Variants in LAMA5 observed in about 807,000 individuals in gnomAD.
LAMA5 encodes laminin subunit alpha-5.
Under a neutral mutation model 433.4 loss-of-function variants are expected in LAMA5, and 260 were observed. The observed-to-expected ratio is 0.60, with a 90% CI of 0.54 to 0.66. The LOEUF is 0.66. Among genes scored for constraint, LAMA5 ranks in the 30% least tolerant of loss-of-function variants. The pLI is 0.00. For synonymous variants in LAMA5, 2,620 were observed against 2,226.6 expected, an observed-to-expected ratio of 1.18 and a Z score of -4.97; for missense variants, 5,378 against 5,258.5, an observed-to-expected ratio of 1.02 and a Z score of -0.70.
rs1190904720 is a variant in LAMA5, at chr20:62,359,587, A to G, written c.450+2813T>C. Among the ~76,000 whole-genome samples, 2 of 152,040 alleles carry G rather than the reference A, an allele frequency of 1.3e-5. No homozygotes were observed. Among genetic ancestry groups the G allele is most frequent in the South Asian group, 2.1e-4 (1 of 4,830 alleles). Reference sequence around the variant, plus strand: ...TCCGGAGGATGCAAGGAGATACGCAAGAACCCCCTAGAAGGACCCCCTGGG... The same window carrying G: ...TCCGGAGGATGCAAGGAGATACGCAGGAACCCCCTAGAAGGACCCCCTGGG... On this transcript the variant is annotated intron_variant, in intron 2 of 79. Coordinates refer to ENST00000252999, the MANE Select transcript of LAMA5 (RefSeq NM_005560.6). The surrounding 1 kb of genome is among the most constrained non-coding windows in gnomAD (Gnocchi z 4.3).
intron 2 of LAMA5, chr20:62,356,231 T>C (rs1424725581): frequency 1.3e-5 from 2 of 152,370 alleles, no homozygotes; most frequent in Non-Finnish European, 2.9e-5. Context: ...GCCTGGTGGC[T>C]GCACAGATGG....
At position 62,312,038 on chromosome 20, in the gene LAMA5, G is replaced by T. The variant is rs768158825; in HGVS notation, c.9517C>A (p.Gln3173Lys). 6.2e-7 allele frequency: 1 copy of T among 1,612,062 alleles called. No homozygotes were observed. The highest frequency in any genetic ancestry group is 8.5e-7 in the Non-Finnish European group (1 of 1,179,586). ...ACACGGCCCTGCTGCAGGGACACCT[G>T]GCATAGCCCATCCTGGGGACGGCAG... is the stretch of plus-strand genomic sequence containing the variant. ...YYRASPDGLCQVSLQQGRVSL... is the reference protein window; with the variant it reads ...YYRASPDGLCKVSLQQGRVSL... The change falls in exon 70 of 80, where the codon CAG becomes AAG. Residue 3173 changes from glutamine to lysine, a missense_variant. Gln to Lys is a moderately conservative substitution (Grantham distance 53). Coordinates refer to ENST00000252999, the MANE Select transcript of LAMA5 (RefSeq NM_005560.6).
intron 11 of LAMA5, among the ~76,000 whole-genome samples, chr20:62,338,843 C>A (rs1601376643): frequency 1.3e-5 from 2 of 152,270 alleles, no homozygotes; most frequent in East Asian, 3.9e-4. Flanking sequence ...TCGAGACCAG[C>A]CTGACCAACA....
At chr20:62,346,389 C>CCTGGG in intron 9 of LAMA5, 117 bp downstream of exon 9, 1 of 1,361,646 alleles carries the variant, frequency 7.3e-7, no homozygotes, top group Non-Finnish European at 1.0e-6. Context: ...GAGGCTCCTT[C>CCTGGG]CTGGGCTGGC....
intron 40 of LAMA5, 65 bp from the exon 41 acceptor site, chr20:62,325,611 C>T (rs1312150733): frequency 4.5e-6 from 5 of 1,107,032 alleles, no homozygotes; most frequent in Non-Finnish European, 4.0e-6. Context: ...GAGCCTAGAA[C>T]AGACCCCCCA....
At chr20:62,330,189 C>G (rs1189606382) in intron 31 of LAMA5, among the ~76,000 whole-genome samples, 1 of 152,278 alleles carries the variant, frequency 6.6e-6, no homozygotes, top group African/African-American at 2.4e-5. Flanking sequence ...ACCAGACAAA[C>G]ACACAGGGCC....
Position 62,344,273 on chromosome 20 carries a change from T to A in LAMA5, c.1477+1545A>T, listed in dbSNP as rs542028740. On this transcript the variant is annotated intron_variant, in intron 11 of 79. Transcript: ENST00000252999. ...AAACCCTACCAACTAGACTGTGATA[T>A]GCCATCAAGCAAAAGACGCATCCCA... Among the ~76,000 whole-genome samples the A allele has an allele frequency of 2.6e-5, 4 of 151,278 alleles. No homozygotes were observed. In the East Asian group the frequency reaches 7.8e-4, roughly 29 times the overall value.
Position 62,331,223 on chromosome 20 carries a change from G to GT in LAMA5, c.3553-95_3553-94insA, listed in dbSNP as rs1980363088. 7.5e-5 allele frequency: 12 copies of GT among 158,984 alleles called. 5 individuals are homozygous for GT. The East Asian group carries it at 1.4e-3, about 18-fold the overall frequency. The allele number at this position is 158,984 out of a possible 1,614,324, so 9.8% of individuals were successfully genotyped here. ...ATGGGGGGGTGCAGGCGGTACGATG[G>GT]GGGGGTGCAGGCGGTACGATGGGGA... is the stretch of plus-strand genomic sequence containing the variant. On this transcript the variant is annotated intron_variant, in intron 28 of 79. Transcript: ENST00000252999.
rs367809230 is a variant in LAMA5 at position 62,315,964 on chromosome 20, C to T, written c.7851G>A (p.Met2617Ile). The change falls in exon 58 of 80, where the codon ATG becomes ATA. Residue 2617 changes from methionine (M) to isoleucine (I), a missense_variant. Coordinates refer to ENST00000252999, the MANE Select transcript of LAMA5 (RefSeq NM_005560.6). ...TCCGCATACCTGTGTCCATGGCAAG[C>T]ATGGCCTGCGCCGCCTGGATGTGCG... Reference protein sequence around the residue: ...LEAHIQAAQAMLAMDTDETSK... With the variant: ...LEAHIQAAQAILAMDTDETSK... 361 of 1,603,650 alleles carry T rather than the reference C, an allele frequency of 2.3e-4. No individual in the cohort carries two copies. The highest frequency in any genetic ancestry group is 2.7e-4 in the Non-Finnish European group (320 of 1,177,928).
intron 40 of LAMA5, 138 bp downstream of exon 40, chr20:62,326,539 C>T (rs1374719097): frequency 3.0e-6 from 2 of 673,978 alleles, no homozygotes; most frequent in African/African-American, 1.8e-5. Context: ...GGGGACCTCC[C>T]CAGCCCCCAC....
At chr20:62,336,304 G>C in intron 18 of LAMA5, 36 bp downstream of exon 18, 3 of 1,445,130 alleles carry the variant, frequency 2.1e-6, no homozygotes, top group Non-Finnish European at 2.8e-6. Context: ...GTTCCCCAAG[G>C]AACCCCTGTA....
At position 62,323,837 on chromosome 20, in the gene LAMA5, G is replaced by A. The variant is rs1427417129; in HGVS notation, c.5788C>T (p.Leu1930=). 3 of 1,609,554 alleles carry A rather than the reference G, an allele frequency of 1.9e-6. No homozygotes were observed. Among genetic ancestry groups the A allele is most frequent in the Non-Finnish European group, 1.7e-6 (2 of 1,178,538 alleles). Residue 1930 remains leucine (L), a synonymous_variant, in exon 44 of 80, where the codon CTG becomes TTG. Transcript: ENST00000252999. ...AGGCACTGGGTGCGGCCGCCTCGCAGGACACAGCCCTCGGCGAAGCTGCAA... is the reference window on the plus strand; with the variant it reads ...AGGCACTGGGTGCGGCCGCCTCGCAAGACACAGCCCTCGGCGAAGCTGCAA... ...PSNNFAEGCV[L]RGGRTQCLCK...
At chr20:62,319,220 C>T in intron 51 of LAMA5, 1 of 583,448 alleles carries the variant, frequency 1.7e-6, no homozygotes, top group East Asian at 2.9e-5. Flanking sequence ...GTGCCTCCAA[C>T]ACCCTGACAC....
chr20:62,334,182 C>A lies in LAMA5; in HGVS notation c.2739+4G>T. ...GAGCCTGGGAGGGGGAGCACAGCGC[C>A]CACCTGGACAGGTGCCATCTGCGCG... On this transcript the variant is annotated splice_donor_region_variant and intron_variant, in intron 22 of 79. Coordinates refer to ENST00000252999, the MANE Select transcript of LAMA5 (RefSeq NM_005560.6). 1 of 1,611,158 alleles carries A rather than the reference C, an allele frequency of 6.2e-7. No individual in the cohort carries two copies. The highest frequency in any genetic ancestry group is 8.5e-7 in the Non-Finnish European group (1 of 1,178,676).
At position 62,310,706 on chromosome 20, in the gene LAMA5, C is replaced by A; in HGVS notation, c.10405G>T (p.Val3469Leu). 1 of 1,601,084 alleles carries A rather than the reference C, an allele frequency of 6.2e-7. No homozygotes were observed. Among genetic ancestry groups the A allele is most frequent in the South Asian group, 1.1e-5 (1 of 89,848 alleles). ...AEHPQPHTLF[V>L]GGLPASSHSS... ...TGGCTGCTGGCCGGGAGGCCGCCCA[C>A]AAAGAGGGTGTGGGGCTGGGGGTGC... The change falls in exon 75 of 80, where the codon GTG (valine) becomes TTG (leucine). Residue 3469 changes from valine to leucine, a missense_variant. Coordinates refer to ENST00000252999, the MANE Select transcript of LAMA5 (RefSeq NM_005560.6).
chr20:62,321,069 G>A (rs1987649585), intron 48 of LAMA5, among the ~76,000 whole-genome samples, 179 bp from the exon 49 acceptor site: 1 of 151,214 alleles, frequency 6.6e-6, no homozygotes, highest in South Asian at 2.1e-4. Flanking sequence ...GGGTCAGGTA[G>A]GAGTCAGATG....
chr20:62,333,553 C>T lies in LAMA5; in HGVS notation c.3021+11G>A. On this transcript the variant is annotated intron_variant, in intron 24 of 79. Transcript: ENST00000252999. ...CCCGGCCCCCAGCCCTCACTCTGGCCCCTGCCTCACCAGGAGCACCCCTTC... is the reference window on the plus strand; with the variant it reads ...CCCGGCCCCCAGCCCTCACTCTGGCTCCTGCCTCACCAGGAGCACCCCTTC... 6.4e-7 allele frequency: 1 copy of T among 1,565,250 alleles called. No homozygotes were observed. Among genetic ancestry groups the T allele is most frequent in the Non-Finnish European group, 8.7e-7 (1 of 1,155,186 alleles).
chr20:62,340,305 GTTTTTTTTT>G lies in LAMA5; in HGVS notation c.1478-1706_1478-1698del, dbSNP rs34415039. 8.3e-4 allele frequency among the ~76,000 whole-genome samples: 83 copies of G among 99,468 alleles called. 1 individual carries two copies. The highest frequency in any genetic ancestry group is 3.0e-3 in the African/African-American group (79 of 26,090). The allele number at this position is 99,468 out of a possible 152,430, so 65.3% of individuals were successfully genotyped here. On this transcript the variant is annotated intron_variant, in intron 11 of 79. Transcript: ENST00000252999. ...AGAGCATAATGAACAAGCCTCCTTTGTTTTTTTTTTTTTTTTTTTTTTTGAAATGGAGTT... is the reference window on the plus strand; with the variant it reads ...AGAGCATAATGAACAAGCCTCCTTTGTTTTTTTTTTTTTTGAAATGGAGTT...
At chr20:62,337,176 C>T (rs554663227) in intron 16 of LAMA5, among the ~76,000 whole-genome samples, 15 of 92,482 alleles carry the variant, frequency 1.6e-4, no homozygotes, top group Middle Eastern at 5.2e-3. Flanking sequence ...ACACGCGATA[C>T]GCGCACCCAC....
Sources: gnomAD v4.1 joint callset for allele counts (sites outside exome capture counted in the v4.1 genomes callset) on GRCh38, gnomAD v4.1.1 for gene constraint, Gnocchi (gnomAD v3.1) non-coding constraint, MANE v1.5 for transcripts, NCBI Gene and HGNC (gene_info 2026-07-23, HGNC 2026-07-21) for gene names.